TBCE: variants seen among roughly 807,000 people sequenced by gnomAD.
TBCE encodes tubulin-specific chaperone E.
TBCE carries 53 observed loss-of-function variants against 77.0 expected under a neutral mutation model. That is an observed-to-expected ratio of 0.69 (90% CI 0.55 to 0.87). The LOEUF (loss-of-function observed/expected upper bound fraction) is 0.87. Ranked by LOEUF, TBCE falls within the 40% of genes least tolerant of loss-of-function variation. The pLI is 0.00. For missense variants in TBCE, 624 were observed against 622.4 expected (o/e 1.00, Z -0.03); for synonymous variants, 235 against 241.3 (o/e 0.97, Z 0.24).
rs1270653419 is a variant in TBCE at position 235,448,805 on chromosome 1, C to T, written c.*43C>T. On this transcript the variant is annotated 3_prime_UTR_variant, in exon 17 of 17. Transcript: ENST00000642610. ...TTAAAGACCACACTGCTTATCGTGT[C>T]TGGGGTTCACCGGAAATAAATGATT... The T allele has an allele frequency of 1.5e-6, 2 of 1,358,742 alleles. No individual in the cohort carries two copies. Among genetic ancestry groups the T allele is most frequent in the Non-Finnish European group, 2.1e-6 (2 of 950,548 alleles). The allele number at this position is 1,358,742 out of a possible 1,614,324, so 84.2% of individuals were successfully genotyped here.
At chr1:235,369,314 C>G (rs911707162) in intron 1 of TBCE, among the ~76,000 whole-genome samples, 3 of 151,148 alleles carry the variant, frequency 2.0e-5, no homozygotes, top group African/African-American at 7.3e-5. Flanking sequence ...CGAGACCATC[C>G]TGGCCAACAT....
chr1:235,395,481 C>G (rs770680916), intron 2 of TBCE, among the ~76,000 whole-genome samples: 1 of 151,800 alleles, frequency 6.6e-6, no homozygotes, highest in Non-Finnish European at 1.5e-5. Flanking sequence ...GCCCATTAAC[C>G]ATTCCCACTC....
intron 15 of TBCE, among the ~76,000 whole-genome samples, chr1:235,447,282 AT>A (rs1195436168): frequency 2.0e-5 from 3 of 152,222 alleles, no homozygotes; most frequent in Non-Finnish European, 2.9e-5. Context: ...TACAAAAATG[AT>A]TTTTGATAGA....
chr1:235,434,805 C>T (rs145765220), intron 8 of TBCE, among the ~76,000 whole-genome samples: 1 of 152,006 alleles, frequency 6.6e-6, no homozygotes, highest in African/African-American at 2.4e-5. Context: ...AGCCACTGTG[C>T]CTGGCCAACT....
At chr1:235,399,482 G>A (rs187521352) in intron 2 of TBCE, among the ~76,000 whole-genome samples, 188 of 152,144 alleles carry the variant, frequency 1.2e-3, no homozygotes, top group Non-Finnish European at 2.2e-3. Flanking sequence ...CTGACTGTGG[G>A]TCATAAGACC....
intron 2 of TBCE, among the ~76,000 whole-genome samples, chr1:235,397,042 T>C (rs1202390175): frequency 6.6e-6 from 1 of 152,058 alleles, no homozygotes; most frequent in African/African-American, 2.4e-5. Context: ...TAGCGCCATC[T>C]TGGCTCACTG....
intron 13 of TBCE, 74 bp from the exon 14 acceptor site, chr1:235,441,740 G>C: frequency 7.3e-7 from 1 of 1,368,068 alleles, no homozygotes; most frequent in Non-Finnish European, 1.0e-6. Context: ...CCTATCCTTT[G>C]TTTGTTTGTT....
chr1:235,431,741 C>T (rs1218224254), intron 7 of TBCE, among the ~76,000 whole-genome samples: 2 of 136,770 alleles, frequency 1.5e-5, no homozygotes, highest in African/African-American at 2.8e-5. Flanking sequence ...GGCGCAATCT[C>T]GGCTCACTGC....
At chr1:235,374,920 C>CTTTT (rs1241323977) in intron 1 of TBCE, among the ~76,000 whole-genome samples, 3 of 111,988 alleles carry the variant, frequency 2.7e-5, no homozygotes, top group Non-Finnish European at 5.5e-5. Context: ...CTTTTTTTTT[C>CTTTT]TTTTTTTTTT....
At chr1:235,437,537 C>T (rs964642200) in intron 12 of TBCE, 63 bp downstream of exon 12, 19 of 1,582,610 alleles carry the variant, frequency 1.2e-5, no homozygotes, top group South Asian at 5.6e-5. Flanking sequence ...TTAGGCCAGG[C>T]GCCGTGGCTC....
chr1:235,445,202 T>C (rs965207268), intron 15 of TBCE, among the ~76,000 whole-genome samples: 1 of 152,248 alleles, frequency 6.6e-6, no homozygotes, highest in Non-Finnish European at 1.5e-5. Flanking sequence ...TTCCTTTTTT[T>C]CCCCTTTTTT....
At chr1:235,389,337 G>A (rs955754753) in intron 2 of TBCE, among the ~76,000 whole-genome samples, 10 of 152,080 alleles carry the variant, frequency 6.6e-5, no homozygotes, top group African/African-American at 2.4e-4. Context: ...TTGTTTGTTT[G>A]TTTGTTTGAG....
Position 235,414,387 on chromosome 1 carries a change from C to G in TBCE, c.186-46C>G, listed in dbSNP as rs182583062. 137 of 1,598,114 alleles carry G rather than the reference C, an allele frequency of 8.6e-5. No homozygotes were observed. The African/African-American group carries it at 9.9e-4, about 12-fold the overall frequency. On this transcript the variant is annotated intron_variant, in intron 3 of 16. Transcript: ENST00000642610. The stretch of plus-strand genomic sequence containing the variant: ...TCAGAAAATTGTATTTATGGCCTTT[C>G]TTGGTGGGTAATATTTTCTGTGTTT...
chr1:235,387,665 A>C (rs923883459), intron 2 of TBCE, among the ~76,000 whole-genome samples: 8 of 152,172 alleles, frequency 5.3e-5, no homozygotes, highest in African/African-American at 1.2e-4. Flanking sequence ...GTGCAGTATT[A>C]GGGTGGGAGT....
chr1:235,391,216 G>A (rs942171706), intron 2 of TBCE, among the ~76,000 whole-genome samples: 2 of 152,032 alleles, frequency 1.3e-5, no homozygotes, highest in Admixed American at 6.6e-5. Flanking sequence ...TAAGCCAGGC[G>A]TGGTGGCTCA....
chr1:235,405,456 T>TGGTCCCGAACTCTACTAAACAGTAGAG, intron 3 of TBCE, among the ~76,000 whole-genome samples: 1 of 151,390 alleles, frequency 6.6e-6, no homozygotes, highest in South Asian at 2.1e-4. Context: ...GCCAACATGG[T>TGGTCCCGAACTCTACTAAACAGTAGAG]TAAACCCCGT....
At chr1:235,426,418 CTATTTATCTGG>C (rs1558381391) in intron 5 of TBCE, among the ~76,000 whole-genome samples, 2 of 152,158 alleles carry the variant, frequency 1.3e-5, no homozygotes, top group Non-Finnish European at 2.9e-5. Context: ...CCTGTAGATG[CTATTTATCTGG>C]AGATTCCTAT....
rs377045461 is a variant in TBCE at position 235,414,011 on chromosome 1, C to T, written c.186-422C>T. ...CTGGGACTACAGGTGTGCACCACCA[C>T]GCTGGACTAATTTTTGTATTTTTAG... On this transcript the variant is annotated intron_variant, in intron 3 of 16. Transcript: ENST00000642610. The T allele has an allele frequency of 2.7e-4, 70 of 256,382 alleles. No homozygotes were observed. In the East Asian group the frequency reaches 4.9e-3, roughly 18 times the overall value. 15.9% of individuals were successfully genotyped at this position (256,382 alleles called of 1,614,324 possible).
At chr1:235,438,044 C>CAG (rs1423752003) in intron 12 of TBCE, among the ~76,000 whole-genome samples, 1 of 152,110 alleles carries the variant, frequency 6.6e-6, no homozygotes, top group Admixed American at 6.5e-5. Context: ...AGAAAGAACA[C>CAG]AGACCACAGA....
Sources: allele counts gnomAD v4.1 joint callset (sites outside exome capture counted in the v4.1 genomes callset), GRCh38; gene constraint gnomAD v4.1.1; transcripts MANE v1.5; gene names NCBI Gene and HGNC (gene_info 2026-07-23, HGNC 2026-07-21).